Variants in VTI1A observed in about 807,000 individuals in gnomAD.
VTI1A encodes the protein vesicle transport through interaction with t-SNAREs homolog 1A.
Under a neutral mutation model 34.9 loss-of-function variants are expected in VTI1A, and 22 were observed. That is an observed-to-expected ratio of 0.63 (90% CI 0.45 to 0.90). VTI1A has a LOEUF of 0.90. Ranked by LOEUF, VTI1A falls within the 40% of genes least tolerant of loss-of-function variation. VTI1A has a pLI of 0.00. For synonymous variants in VTI1A, 87 were observed against 97.3 expected (o/e 0.89, Z 0.62); for missense variants, 268 against 275.6 (o/e 0.97, Z 0.20).
the VTI1A span, among the ~76,000 whole-genome samples, chr10:112,854,812 C>T: frequency 3.0e-4 from 46 of 152,242 alleles, no homozygotes; most frequent in Admixed American, 1.7e-3. Context: ...TCTGCTGGGC[C>T]GCCTGCTGCA....
chr10:112,695,681 G>A (rs1590080406), intron 7 of VTI1A, among the ~76,000 whole-genome samples: 2 of 152,186 alleles, frequency 1.3e-5, no homozygotes, highest in East Asian at 1.9e-4. Flanking sequence ...GGAAATGCAC[G>A]TTGCAGATGC....
intron 7 of VTI1A, among the ~76,000 whole-genome samples, chr10:112,776,489 G>A (rs1033316528): frequency 1.3e-5 from 2 of 152,090 alleles, no homozygotes; most frequent in African/African-American, 2.4e-5. Context: ...TATGAGCAGA[G>A]AGATTATCTC....
intron 7 of VTI1A, among the ~76,000 whole-genome samples, chr10:112,719,941 C>T (rs1849742219): frequency 6.6e-6 from 1 of 152,094 alleles, no homozygotes; most frequent in Non-Finnish European, 1.5e-5. Context: ...CACTAGTATA[C>T]TTCCTGTCTC....
intron 6 of VTI1A, 59 bp from the exon 7 acceptor site, chr10:112,668,878 T>C: frequency 1.3e-6 from 2 of 1,558,884 alleles, no homozygotes; most frequent in Non-Finnish European, 1.8e-6. Flanking sequence ...TCGCTTGCCA[T>C]GCACTTTAGA....
At chr10:112,546,591 A>G (rs1421911649) in intron 5 of VTI1A, among the ~76,000 whole-genome samples, 4 of 152,212 alleles carry the variant, frequency 2.6e-5, no homozygotes, top group African/African-American at 9.6e-5. Context: ...TAAAGCATCC[A>G]GTAACCCAAA....
intron 5 of VTI1A, among the ~76,000 whole-genome samples, chr10:112,640,977 A>C (rs1249047860): frequency 6.6e-6 from 1 of 152,212 alleles, no homozygotes; most frequent in Non-Finnish European, 1.5e-5. Context: ...ATGGACCATC[A>C]GGCATATTCA....
chr10:112,452,288 G>T (rs1195954594), intron 1 of VTI1A, among the ~76,000 whole-genome samples: 2 of 152,086 alleles, frequency 1.3e-5, no homozygotes, highest in East Asian at 3.9e-4. Context: ...TAAGCATTTA[G>T]GGCCGGGCGC....
chr10:112,558,322 A>T (rs77589071), intron 5 of VTI1A, among the ~76,000 whole-genome samples: 1,839 of 152,106 alleles, frequency 0.012, 30 homozygotes, highest in East Asian at 0.07. Context: ...TAATTTTTTT[A>T]AAAAAAAGTC....
chr10:112,616,566 G>A (rs1210297372), intron 5 of VTI1A, among the ~76,000 whole-genome samples: 1 of 151,894 alleles, frequency 6.6e-6, no homozygotes, highest in Non-Finnish European at 1.5e-5. Flanking sequence ...AAAAAAAAAT[G>A]ACCATAAATG....
At chr10:112,709,678 G>A (rs976759592) in intron 7 of VTI1A, among the ~76,000 whole-genome samples, 1 of 124,044 alleles carries the variant, frequency 8.1e-6, no homozygotes, top group African/African-American at 3.2e-5. Context: ...GGCACTCTAT[G>A]TGGCTTTTTT....
intron 7 of VTI1A, among the ~76,000 whole-genome samples, chr10:112,712,714 C>T (rs568775857): frequency 3.9e-5 from 6 of 152,332 alleles, no homozygotes; most frequent in Admixed American, 1.3e-4. Context: ...TCCACTTGTA[C>T]TTCACTTTCC....
In VTI1A at chr10:112,625,634, CTG is replaced by C. The variant is rs571405008; in HGVS notation, c.428-42582_428-42581del. 6.0e-3 allele frequency among the ~76,000 whole-genome samples: 67 copies of C among 11,218 alleles called. No homozygotes were observed. The African/African-American group carries it at 0.11, about 19-fold the overall frequency. 7.4% of individuals were successfully genotyped at this position (11,218 alleles called of 152,430 possible). ...CAGTCTGGGCAACAAGAGTGAAACTCTGTCTCAAAAAAAAAAAAGGAAAACCA... is the reference window on the plus strand; with the variant it reads ...CAGTCTGGGCAACAAGAGTGAAACTCTCTCAAAAAAAAAAAAGGAAAACCA... On this transcript the variant is annotated intron_variant, in intron 5 of 7. Coordinates refer to ENST00000393077, the MANE Select transcript of VTI1A (RefSeq NM_145206.4).
At chr10:112,715,890 C>T (rs922428705) in intron 7 of VTI1A, among the ~76,000 whole-genome samples, 2 of 152,106 alleles carry the variant, frequency 1.3e-5, no homozygotes, top group African/African-American at 2.4e-5. Flanking sequence ...AGTTGCTAAC[C>T]CCAGGGAAGA....
intron 7 of VTI1A, among the ~76,000 whole-genome samples, chr10:112,759,376 T>C (rs1006954210): frequency 1.2e-4 from 18 of 152,180 alleles, no homozygotes; most frequent in African/African-American, 4.1e-4. Flanking sequence ...TCCACTCAAA[T>C]TGTGTGGGTG....
At chr10:112,509,332 A>G (rs973757840) in intron 3 of VTI1A, among the ~76,000 whole-genome samples, 1 of 152,244 alleles carries the variant, frequency 6.6e-6, no homozygotes, top group Non-Finnish European at 1.5e-5. Context: ...TTTCTACTTT[A>G]TAATATTGTT....
At chr10:112,756,858 G>C (rs1851298516) in intron 7 of VTI1A, among the ~76,000 whole-genome samples, 1 of 151,960 alleles carries the variant, frequency 6.6e-6, no homozygotes, top group East Asian at 1.9e-4. Flanking sequence ...ACCAGCCTGG[G>C]CAACATGGCA....
At chr10:112,704,336 A>T (rs2133906551) in intron 7 of VTI1A, among the ~76,000 whole-genome samples, 1 of 152,190 alleles carries the variant, frequency 6.6e-6, no homozygotes, top group African/African-American at 2.4e-5. Flanking sequence ...TAAATGAAGA[A>T]AACTAGTTGT....
intron 5 of VTI1A, among the ~76,000 whole-genome samples, chr10:112,572,247 C>A (rs1217817130): frequency 6.6e-6 from 1 of 152,222 alleles, no homozygotes; most frequent in Non-Finnish European, 1.5e-5. Context: ...ATCTCTCTAT[C>A]CCTTCATCAT....
chr10:112,469,636 A>C (rs1287875582), intron 3 of VTI1A, among the ~76,000 whole-genome samples: 1 of 152,096 alleles, frequency 6.6e-6, no homozygotes, highest in East Asian at 1.9e-4. Flanking sequence ...CTTTTGAATG[A>C]CTGTAGTGTT....
Sources: gnomAD v4.1 joint callset for allele counts (sites outside exome capture counted in the v4.1 genomes callset) on GRCh38, gnomAD v4.1.1 for gene constraint, MANE v1.5 for transcripts, NCBI Gene and HGNC (gene_info 2026-07-23, HGNC 2026-07-21) for gene names.